The following TMEM231 variants were observed in gnomAD, a reference collection of about 807,000 sequenced individuals.
TMEM231 encodes the protein transmembrane protein 231.
In TMEM231, 40 loss-of-function variants were observed where a neutral mutation model predicts 38.5. The observed-to-expected ratio is 1.04, with a 90% CI of 0.81 to 1.35. The LOEUF (loss-of-function observed/expected upper bound fraction) is 1.35, where lower values mean the gene tolerates loss of function less well. TMEM231 is among the 40% of genes most tolerant of loss of function. The probability of loss-of-function intolerance (pLI) is 0.00; values close to 1 mark genes in which losing one functional copy is unlikely to be tolerated. For missense variants in TMEM231, 420 were observed against 416.9 expected, an observed-to-expected ratio of 1.01 and a Z score of -0.07; for synonymous variants, 199 against 181.7, an observed-to-expected ratio of 1.10 and a Z score of -0.77.
At chr16:75,555,770 G>A (rs1752553925) in intron 2 of TMEM231, 34 bp downstream of exon 2, 6 of 1,477,192 alleles carry the variant, frequency 4.1e-6, no homozygotes, top group Non-Finnish European at 5.4e-6. Flanking sequence ...CCCTATCCCC[G>A]ACTCTGCCCC....
intron 2 of TMEM231, among the ~76,000 whole-genome samples, chr16:75,554,246 T>C (rs1409918362): frequency 6.6e-6 from 1 of 152,138 alleles, no homozygotes; most frequent in African/African-American, 2.4e-5. Flanking sequence ...AGGCATAAGA[T>C]TTAGTCAAAA....
intron 2 of TMEM231, among the ~76,000 whole-genome samples, chr16:75,550,283 T>C (rs945678031): frequency 6.6e-6 from 1 of 152,226 alleles, no homozygotes; most frequent in Non-Finnish European, 1.5e-5. Context: ...GAGGGAACCT[T>C]GAAGCCGGTA....
chr16:75,556,244 A>C lies in TMEM231; in HGVS notation c.-35T>G, dbSNP rs2151711318. On this transcript the variant is annotated 5_prime_UTR_variant, in exon 1 of 7. Coordinates refer to ENST00000258173, the MANE Select transcript of TMEM231 (RefSeq NM_001077418.3). ...TCGCAGGCACTCCGCGAGCCGGGGG[A>C]CCAAGTTTGGCTTCTCCTGGTTGCC... 7.2e-7 allele frequency: 1 copy of C among 1,392,996 alleles called. No individual in the cohort carries two copies. Among genetic ancestry groups the C allele is most frequent in the Non-Finnish European group, 9.3e-7 (1 of 1,077,686 alleles). 86.3% of individuals were successfully genotyped at this position (1,392,996 alleles called of 1,614,324 possible).
chr16:75,546,077 A>C (rs1335188519), intron 2 of TMEM231, 123 bp from the exon 3 acceptor site: 2 of 1,548,028 alleles, frequency 1.3e-6, no homozygotes, highest in Non-Finnish European at 1.7e-6. Flanking sequence ...TATCTCCTCC[A>C]CTAAAAGAGA....
intron 2 of TMEM231, among the ~76,000 whole-genome samples, chr16:75,553,483 G>C (rs902627209): frequency 2.0e-5 from 3 of 151,856 alleles, no homozygotes; most frequent in African/African-American, 7.3e-5. Flanking sequence ...TTAGCCCGGA[G>C]TGGTGGTGCA....
chr16:75,546,214 G>T, intron 2 of TMEM231: 1 of 1,008,330 alleles, frequency 9.9e-7, no homozygotes, highest in Non-Finnish European at 1.4e-6. Context: ...AAAACATCTG[G>T]ATAGTATTTG....
At chr16:75,546,775 C>T (rs756823406) in intron 2 of TMEM231, among the ~76,000 whole-genome samples, 1 of 152,142 alleles carries the variant, frequency 6.6e-6, no homozygotes, top group Non-Finnish European at 1.5e-5. Context: ...TCTGAAACCA[C>T]GAGTGTCTTT....
At chr16:75,552,511 G>C (rs890581580) in intron 2 of TMEM231, among the ~76,000 whole-genome samples, 7 of 152,074 alleles carry the variant, frequency 4.6e-5, no homozygotes, top group African/African-American at 1.7e-4. Flanking sequence ...CATTGGTCTG[G>C]GCCCTTAAGC....
rs776025526 is a variant in TMEM231, at chr16:75,541,396, G to C, written c.724C>G (p.Pro242Ala). The C allele has an allele frequency of 2.5e-6, 4 of 1,611,970 alleles. No homozygotes were observed. Among genetic ancestry groups the C allele is most frequent in the African/African-American group, 1.3e-5 (1 of 74,802 alleles). ...IWLVGRAADA[P>A]FVINAIIRYP... is the part of the protein sequence containing the mutation. The stretch of plus-strand genomic sequence containing the variant: ...CGGATGATAGCATTAATCACAAATG[G>C]AGCATCTGCGGCCCTGCCCACCAGC... Residue 242 changes from proline (P) to alanine (A), a missense_variant, in exon 6 of 7, where the codon CCA (proline) becomes GCA (alanine). By Grantham distance (27) the Pro-to-Ala change is conservative. Coordinates refer to ENST00000258173, the MANE Select transcript of TMEM231 (RefSeq NM_001077418.3).
intron 2 of TMEM231, among the ~76,000 whole-genome samples, chr16:75,554,390 C>T (rs1414765424): frequency 6.6e-6 from 1 of 151,734 alleles, no homozygotes; most frequent in Non-Finnish European, 1.5e-5. Context: ...CATAGTGAAA[C>T]CCCTTCTCTA....
intron 6 of TMEM231, 36 bp downstream of exon 6, chr16:75,541,314 C>G (rs1482911501): frequency 6.6e-7 from 1 of 1,506,796 alleles, no homozygotes; most frequent in African/African-American, 1.4e-5. Flanking sequence ...GCCACCACAT[C>G]CAGCCTTAAC....
In TMEM231 at chr16:75,539,893, C is replaced by T. The variant is rs1215772149; in HGVS notation, c.*101G>A. The T allele has an allele frequency of 9.8e-6, 10 of 1,025,564 alleles. No individual in the cohort carries two copies. Among genetic ancestry groups the T allele is most frequent in the Non-Finnish European group, 1.4e-5 (10 of 714,794 alleles). 63.5% of individuals were successfully genotyped at this position (1,025,564 alleles called of 1,614,324 possible). A position where few individuals can be genotyped will look rare whatever the true frequency, so the allele number is the denominator to read the frequency against. On this transcript the variant is annotated 3_prime_UTR_variant, in exon 7 of 7. Transcript: ENST00000258173. The stretch of plus-strand genomic sequence containing the variant: ...TGTCTCTGAGGGAAAAGCACACAAG[C>T]CCGCAGGTGTCCGCTGGGCTCTTTC...
chr16:75,550,226 G>A (rs114990078), intron 2 of TMEM231, among the ~76,000 whole-genome samples: 49 of 152,190 alleles, frequency 3.2e-4, no homozygotes, highest in Non-Finnish European at 5.3e-4. Context: ...AAGGGACCGC[G>A]GCCCAGATGG....
intron 2 of TMEM231, 129 bp downstream of exon 2, chr16:75,555,675 G>A: frequency 2.1e-6 from 2 of 935,520 alleles, no homozygotes; most frequent in Non-Finnish European, 3.0e-6. Flanking sequence ...CCACCTTTGC[G>A]GGTTCGCGAG....
rs376300556 is a variant in TMEM231, at chr16:75,552,574, C to G, written c.309+3230G>C. 2.6e-5 allele frequency among the ~76,000 whole-genome samples: 4 copies of G among 152,310 alleles called. No individual in the cohort carries two copies. In the East Asian group the frequency reaches 5.8e-4, roughly 22 times the overall value. ...TGTTTTTAAAAGCCTCTCAAACTTT[C>G]CCTTACTTGCTCTCCATTCAATTCA... On this transcript the variant is annotated intron_variant, in intron 2 of 6. Coordinates refer to ENST00000258173, the MANE Select transcript of TMEM231 (RefSeq NM_001077418.3).
chr16:75,551,466 G>A (rs534850947), intron 2 of TMEM231, among the ~76,000 whole-genome samples: 1 of 152,200 alleles, frequency 6.6e-6, no homozygotes, highest in African/African-American at 2.4e-5. Context: ...TTATAGGCAT[G>A]AGCCACAGTG....
chr16:75,543,160 G>A (rs1279821554), intron 4 of TMEM231, among the ~76,000 whole-genome samples: 1 of 151,790 alleles, frequency 6.6e-6, no homozygotes, highest in Non-Finnish European at 1.5e-5. Flanking sequence ...GAGGCAGGAG[G>A]ACCACTTGAG....
chr16:75,547,911 C>G lies in TMEM231; in HGVS notation c.310-1957G>C, dbSNP rs756498265. On this transcript the variant is annotated intron_variant, in intron 2 of 6. Transcript: ENST00000258173. ...CACCTTCTAGATCTTTAGGGTTGGA[C>G]AGGAAGAAAAGAGCACATTTCTCAA... Among the ~76,000 whole-genome samples, 233 of 152,264 alleles carry G rather than the reference C, an allele frequency of 1.5e-3. 1 individual carries two copies. Among genetic ancestry groups the G allele is most frequent in the Non-Finnish European group, 1.4e-3 (98 of 68,022 alleles).
intron 4 of TMEM231, 93 bp downstream of exon 4, chr16:75,545,259 C>T: frequency 6.6e-7 from 1 of 1,521,024 alleles, no homozygotes. Flanking sequence ...TGCGCCTGGC[C>T]TGACATTTCT....
Sources: gnomAD v4.1 joint callset for allele counts (sites outside exome capture counted in the v4.1 genomes callset) on GRCh38, gnomAD v4.1.1 for gene constraint, MANE v1.5 for transcripts, NCBI Gene and HGNC (gene_info 2026-07-23, HGNC 2026-07-21) for gene names.